CAPN11: variants seen among roughly 807,000 people sequenced by gnomAD.
CAPN11 encodes the protein calpain-11.
A neutral mutation model predicts 105.3 loss-of-function variants in CAPN11; 108 were observed. The ratio of observed to expected loss-of-function variants is 1.03; its 90% CI spans 0.88 to 1.20. The LOEUF is 1.20. Ranked by LOEUF, CAPN11 falls within the 50% of genes most tolerant of loss-of-function variation. CAPN11 has a pLI of 0.00. For missense variants in CAPN11, 883 were observed against 924.8 expected, an observed-to-expected ratio of 0.95 and a Z score of 0.59; for synonymous variants, 329 against 344.5, an observed-to-expected ratio of 0.96 and a Z score of 0.50.
chr6:44,160,791 CA>C (rs1010831210), intron 1 of CAPN11, among the ~76,000 whole-genome samples: 87 of 152,344 alleles, frequency 5.7e-4, no homozygotes, highest in African/African-American at 2.0e-3. Flanking sequence ...CTGTCAACTG[CA>C]GTCTGAAAAC....
At position 44,160,646 on chromosome 6, in the gene CAPN11, A is replaced by G. The variant is rs370918976; in HGVS notation, c.16+1782A>G. Among the ~76,000 whole-genome samples, 10 of 152,206 alleles carry G rather than the reference A, an allele frequency of 6.6e-5. No homozygotes were observed. In the East Asian group the frequency reaches 1.4e-3, roughly 21 times the overall value. On this transcript the variant is annotated intron_variant, in intron 1 of 22. Transcript: ENST00000398776. Reference sequence around the variant, plus strand: ...AAAACCTCAAAAAACAACAACAACAACAACAACAAAATGATCTGTAGGTTC... The same window carrying G: ...AAAACCTCAAAAAACAACAACAACAGCAACAACAAAATGATCTGTAGGTTC...
rs1582878771 is a variant in CAPN11 at position 44,176,527 on chromosome 6, G to A, written c.1002-54G>A. 2.6e-6 allele frequency: 4 copies of A among 1,516,684 alleles called. No homozygotes were observed. In the East Asian group the frequency reaches 9.1e-5, roughly 34 times the overall value. The allele number at this position is 1,516,684 out of a possible 1,614,324, so 94.0% of individuals were successfully genotyped here. On this transcript the variant is annotated intron_variant, in intron 9 of 22. Transcript: ENST00000398776. ...GAAGAGGCAGTCCCCTGGAGAGGAA[G>A]GAGGTGCCACATGACCTCCGCCCCT...
At chr6:44,170,034 C>T (rs867930235) in intron 4 of CAPN11, 59 bp downstream of exon 4, 1 of 1,366,852 alleles carries the variant, frequency 7.3e-7, no homozygotes, top group Middle Eastern at 1.9e-4. Flanking sequence ...GGAGGGGTGC[C>T]AGGGTGTCTT....
intron 1 of CAPN11, among the ~76,000 whole-genome samples, chr6:44,165,961 C>T (rs538297984): frequency 1.3e-5 from 2 of 152,190 alleles, no homozygotes; most frequent in South Asian, 4.2e-4. Flanking sequence ...TGTCTGAAGG[C>T]CCTGGCCTCG....
Position 44,178,750 on chromosome 6 carries a change from TAAAAAAA to T in CAPN11, c.1417-852_1417-846del, listed in dbSNP as rs35225903. ...CAACACAGCAAGACCCTGTCTCGAT[TAAAAAAA>T]AAAAAAAAAAAAAAAATTAGCCGGG... On this transcript the variant is annotated intron_variant, in intron 12 of 22. Coordinates refer to ENST00000398776, the MANE Select transcript of CAPN11 (RefSeq NM_007058.4). Among the ~76,000 whole-genome samples the T allele has an allele frequency of 4.3e-5, 5 of 116,070 alleles. No individual in the cohort carries two copies. In the South Asian group the frequency reaches 1.6e-3, roughly 37 times the overall value. 76.1% of individuals were successfully genotyped at this position (116,070 alleles called of 152,430 possible).
chr6:44,162,368 G>GAC (rs57009949), intron 1 of CAPN11, among the ~76,000 whole-genome samples: 17,863 of 138,574 alleles, frequency 0.13, 1,106 homozygotes, highest in African/African-American at 0.15. Flanking sequence ...TTTGAATAAA[G>GAC]ACACACACAC....
chr6:44,170,019 T>C, intron 4 of CAPN11, 44 bp downstream of exon 4: 1 of 1,487,976 alleles, frequency 6.7e-7, no homozygotes, highest in Non-Finnish European at 9.3e-7. Context: ...GGCAAGAGGA[T>C]TGGGGGAGGG....
Position 44,176,799 on chromosome 6 carries a change from A to C in CAPN11, c.1077-39A>C, listed in dbSNP as rs372155504. 1.1e-4 allele frequency: 180 copies of C among 1,610,606 alleles called. No individual in the cohort carries two copies. The African/African-American group carries it at 1.9e-3, about 17-fold the overall frequency. ...TCAGGGAGAGGGAACTGAGGATGCA[A>C]GTGTGCTGCTGACGGGCTCCACCCC... On this transcript the variant is annotated intron_variant, in intron 10 of 22. Transcript: ENST00000398776.
intron 1 of CAPN11, among the ~76,000 whole-genome samples, chr6:44,162,630 G>A (rs1769099117): frequency 6.6e-6 from 1 of 152,132 alleles, no homozygotes; most frequent in African/African-American, 2.4e-5. Flanking sequence ...AGGGGAATGG[G>A]ATGTGCTTAG....
At chr6:44,166,247 C>T (rs1769826220) in intron 1 of CAPN11, among the ~76,000 whole-genome samples, 1 of 152,126 alleles carries the variant, frequency 6.6e-6, no homozygotes, top group Non-Finnish European at 1.5e-5. Context: ...GTTCTGCCAG[C>T]CTTCAGGCTG....
At chr6:44,161,180 T>TG (rs1250599961) in intron 1 of CAPN11, among the ~76,000 whole-genome samples, 1 of 146,608 alleles carries the variant, frequency 6.8e-6, no homozygotes, top group African/African-American at 2.6e-5. Context: ...CTTTTGGGTT[T>TG]TTTTTTTTTT....
Position 44,184,329 on chromosome 6 carries a change from C to CA in CAPN11, c.*397_*398insA. 4.2e-6 allele frequency: 1 copy of CA among 238,162 alleles called. No homozygotes were observed. Among genetic ancestry groups the CA allele is most frequent in the Non-Finnish European group, 8.3e-6 (1 of 120,812 alleles). The allele number at this position is 238,162 out of a possible 1,614,324, so 14.8% of individuals were successfully genotyped here. A position where few individuals can be genotyped will look rare whatever the true frequency, so the allele number is the denominator to read the frequency against. ...CCTGCTCACACCTACCTGCTGACCA[C>CA]CCATCCTGGCACAGCCTCTGTTTTC... On this transcript the variant is annotated 3_prime_UTR_variant, in exon 23 of 23. Transcript: ENST00000398776.
At chr6:44,171,604 G>A (rs1439739221) in intron 4 of CAPN11, among the ~76,000 whole-genome samples, 1 of 152,124 alleles carries the variant, frequency 6.6e-6, no homozygotes, top group African/African-American at 2.4e-5. Context: ...AAGGCAGGAG[G>A]ACTGCTTGAG....
chr6:44,183,112 C>G lies in CAPN11; in HGVS notation c.2018-7C>G, dbSNP rs1019463792. 6.2e-7 allele frequency: 1 copy of G among 1,608,226 alleles called. No homozygotes were observed. Among genetic ancestry groups the G allele is most frequent in the Non-Finnish European group, 8.5e-7 (1 of 1,174,990 alleles). ...TTCCCCTCCCCACTTCTCTCTCCCT[C>G]TCTCAGGCATCAAGCTGAACAACAA... On this transcript the variant is annotated splice_polypyrimidine_tract_variant and splice_region_variant and intron_variant, in intron 20 of 22. Transcript: ENST00000398776.
rs150237277 is a variant in CAPN11, at chr6:44,177,106, G to T, written c.1237+108G>T. 42 of 1,487,056 alleles carry T rather than the reference G, an allele frequency of 2.8e-5. No individual in the cohort carries two copies. In the East Asian group the frequency reaches 9.5e-4, roughly 34 times the overall value. The allele number at this position is 1,487,056 out of a possible 1,614,324, so 92.1% of individuals were successfully genotyped here. ...GAGTCACCGGAGTCAGGGTCCATGAGGTCAAGGGTTAGTCAGATTTCACAG... is the reference window on the plus strand; with the variant it reads ...GAGTCACCGGAGTCAGGGTCCATGATGTCAAGGGTTAGTCAGATTTCACAG... On this transcript the variant is annotated intron_variant, in intron 11 of 22. Coordinates refer to ENST00000398776, the MANE Select transcript of CAPN11 (RefSeq NM_007058.4).
In CAPN11 at chr6:44,172,440, C is replaced by T; in HGVS notation, c.528+20C>T. On this transcript the variant is annotated intron_variant, in intron 5 of 22. Transcript: ENST00000398776. ...TTTCAGGTGAAGGACAGTGTGAGAGCCACTGTGGCTTTGTTGGGGGCGGGG... is the reference window on the plus strand; with the variant it reads ...TTTCAGGTGAAGGACAGTGTGAGAGTCACTGTGGCTTTGTTGGGGGCGGGG... 1.4e-6 allele frequency: 2 copies of T among 1,418,276 alleles called. No individual in the cohort carries two copies. The highest frequency in any genetic ancestry group is 1.7e-4 in the Middle Eastern group (1 of 5,720). 87.9% of individuals were successfully genotyped at this position (1,418,276 alleles called of 1,614,324 possible).
rs957067273 is a variant in CAPN11, at chr6:44,184,225, C to T, written c.*293C>T. On this transcript the variant is annotated 3_prime_UTR_variant, in exon 23 of 23. Coordinates refer to ENST00000398776, the MANE Select transcript of CAPN11 (RefSeq NM_007058.4). ...TTTTACTAAAGAGTAGTTGATGCTT[C>T]CCCAGGGTCCCCCTGGCTGGGGAGG... is the stretch of plus-strand genomic sequence containing the variant. The T allele has an allele frequency of 6.3e-6, 3 of 477,348 alleles. No homozygotes were observed. 29.6% of individuals were successfully genotyped at this position (477,348 alleles called of 1,614,324 possible). A position where few individuals can be genotyped will look rare whatever the true frequency, so the allele number is the denominator to read the frequency against.
intron 2 of CAPN11, among the ~76,000 whole-genome samples, chr6:44,168,763 C>T (rs1169511504): frequency 6.6e-6 from 1 of 151,930 alleles, no homozygotes; most frequent in East Asian, 1.9e-4. Context: ...GGATTACAGG[C>T]ATCTTGCCCC....
In CAPN11 at chr6:44,177,433, C is replaced by T. The variant is rs764049001; in HGVS notation, c.1416+13C>T. 6.5e-5 allele frequency: 103 copies of T among 1,596,530 alleles called. 1 individual carries two copies. In the South Asian group the frequency reaches 1.1e-3, roughly 16 times the overall value. On this transcript the variant is annotated intron_variant, in intron 12 of 22. Coordinates refer to ENST00000398776, the MANE Select transcript of CAPN11 (RefSeq NM_007058.4). ...TGTCCTCTACGCGGTGGGTGCCTGG[C>T]TGGTCTCGCCCGCCACTCACTCTCC...
Sources: allele counts gnomAD v4.1 joint callset (sites outside exome capture counted in the v4.1 genomes callset), GRCh38; gene constraint gnomAD v4.1.1; transcripts MANE v1.5; gene names NCBI Gene and HGNC (gene_info 2026-07-23, HGNC 2026-07-21).